Variants in GPR161 observed in about 807,000 individuals in gnomAD.
The protein encoded by GPR161 is G protein-coupled receptor 161.
In GPR161, 25 loss-of-function variants were observed where a neutral mutation model predicts 39.2. The observed-to-expected ratio is 0.64, with a 90% CI of 0.47 to 0.89. The LOEUF is 0.89. Ranked by LOEUF, GPR161 falls within the 40% of genes least tolerant of loss-of-function variation. The probability of loss-of-function intolerance (pLI) is 0.00; values close to 1 mark genes in which losing one functional copy is unlikely to be tolerated. For missense variants in GPR161, 547 were observed against 677.8 expected (o/e 0.81, Z 2.14); for synonymous variants, 286 against 276.6 (o/e 1.03, Z -0.34).
chr1:168,110,581 A>C (rs1346545657), intron 1 of GPR161, among the ~76,000 whole-genome samples: 4 of 114,828 alleles, frequency 3.5e-5, no homozygotes, highest in African/African-American at 8.2e-5. Flanking sequence ...AGAAAAGAAA[A>C]GAAAAGAAAA....
At position 168,082,504 on chromosome 1, in the gene GPR161, G is replaced by A. The variant is rs1694150925; in HGVS notation, c.*3027C>T. ...GGGAAATGGCTGTGTTGAGCTGTGT[G>A]TGTGCTCTGTAATGTGGGACTCCCA... On this transcript the variant is annotated 3_prime_UTR_variant, in exon 6 of 6. Transcript: ENST00000682931. The A allele has an allele frequency of 6.6e-6, 1 of 152,322 alleles. No individual in the cohort carries two copies. Among genetic ancestry groups the A allele is most frequent in the Non-Finnish European group, 1.5e-5 (1 of 68,132 alleles). The allele number at this position is 152,322 out of a possible 1,614,324, so 9.4% of individuals were successfully genotyped here.
chr1:168,123,469 T>C (rs775600978), intron 1 of GPR161, among the ~76,000 whole-genome samples: 44 of 151,852 alleles, frequency 2.9e-4, no homozygotes, highest in Admixed American at 8.5e-4. Context: ...AAAAATTATA[T>C]GTATGTATCT....
In GPR161 at chr1:168,085,174, G is replaced by A. The variant is rs557644479; in HGVS notation, c.*357C>T. On this transcript the variant is annotated 3_prime_UTR_variant, in exon 6 of 6. Coordinates refer to ENST00000682931, the MANE Select transcript of GPR161 (RefSeq NM_001375883.1). ...CACACTGTGAAGAGGAGGAAATGATGCATGTGGGGGTCTCCTTCCAAGCCC... is the reference window on the plus strand; with the variant it reads ...CACACTGTGAAGAGGAGGAAATGATACATGTGGGGGTCTCCTTCCAAGCCC... 1.5e-4 allele frequency: 68 copies of A among 439,512 alleles called. No homozygotes were observed. Among genetic ancestry groups the A allele is most frequent in the Middle Eastern group, 1.3e-3 (4 of 2,998 alleles). 27.2% of individuals were successfully genotyped at this position (439,512 alleles called of 1,614,324 possible). A position where few individuals can be genotyped will look rare whatever the true frequency, so the allele number is the denominator to read the frequency against.
chr1:168,136,936 T>G, upstream of GPR161: 1 of 970,862 alleles, frequency 1.0e-6, no homozygotes, highest in Non-Finnish European at 1.2e-6. Context: ...CAAGTAACTT[T>G]GCGGCGCCCG....
chr1:168,103,773 A>G (rs1381015871), intron 2 of GPR161, among the ~76,000 whole-genome samples: 1 of 152,220 alleles, frequency 6.6e-6, no homozygotes, highest in Non-Finnish European at 1.5e-5. Flanking sequence ...TGATGAACGC[A>G]GTGGCCATTA....
At chr1:168,094,163 T>C (rs1257158767) in intron 3 of GPR161, among the ~76,000 whole-genome samples, 11 of 152,368 alleles carry the variant, frequency 7.2e-5, no homozygotes, top group South Asian at 2.1e-4. Flanking sequence ...ATGGAAAATC[T>C]TGGCCTCAAA....
rs1694008743 is a variant in GPR161, at chr1:168,080,774, G to A, written c.*4757C>T. The A allele has an allele frequency of 6.6e-6, 1 of 152,290 alleles. No homozygotes were observed. The highest frequency in any genetic ancestry group is 2.4e-5 in the African/African-American group (1 of 41,540). 9.4% of individuals were successfully genotyped at this position (152,290 alleles called of 1,614,324 possible). A position where few individuals can be genotyped will look rare whatever the true frequency, so the allele number is the denominator to read the frequency against. ...ATTTGGAACGTTACACCAGGCCCTG[G>A]GGATTTGATCATCTTTGATAGTCAT... On this transcript the variant is annotated 3_prime_UTR_variant, in exon 6 of 6. Transcript: ENST00000682931.
At chr1:168,134,452 C>T (rs563502456) in intron 1 of GPR161, among the ~76,000 whole-genome samples, 1 of 152,168 alleles carries the variant, frequency 6.6e-6, no homozygotes, top group Non-Finnish European at 1.5e-5. Context: ...ATCCCTCCTC[C>T]AAACTCCAGG....
rs943979592 is a variant in GPR161, at chr1:168,081,011, C to CCCA, written c.*4517_*4519dup. 6.6e-6 allele frequency: 1 copy of CCCA among 151,554 alleles called. No individual in the cohort carries two copies. Among genetic ancestry groups the CCCA allele is most frequent in the Non-Finnish European group, 1.5e-5 (1 of 68,088 alleles). The allele number at this position is 151,554 out of a possible 1,614,324, so 9.4% of individuals were successfully genotyped here. ...TCCTGAGTAGCTGGGATTACAGGCG[C>CCCA]CCACCACCACGCGCAACTAATTTTG... On this transcript the variant is annotated 3_prime_UTR_variant, in exon 6 of 6. Transcript: ENST00000682931.
chr1:168,096,486 A>G lies in GPR161; in HGVS notation c.1099+22T>C, dbSNP rs749516923. 8.1e-6 allele frequency: 13 copies of G among 1,604,568 alleles called. No individual in the cohort carries two copies. The Admixed American group carries it at 2.0e-4, about 25-fold the overall frequency. The stretch of plus-strand genomic sequence containing the variant: ...AGATTTCATCTGCCTCGGAGGGGCT[A>G]TCCTAACAATGCCCAAGTTACCTGT... On this transcript the variant is annotated intron_variant, in intron 3 of 5. Transcript: ENST00000682931.
At chr1:168,128,381 A>T (rs547064256) in intron 1 of GPR161, among the ~76,000 whole-genome samples, 1 of 152,122 alleles carries the variant, frequency 6.6e-6, no homozygotes, top group Non-Finnish European at 1.5e-5. Context: ...GGGGGATGCT[A>T]TTGGCACCTA....
At chr1:168,137,378 T>G (rs1381218010), upstream of GPR161, 17 of 1,535,848 alleles carry the variant, frequency 1.1e-5, no homozygotes, top group Non-Finnish European at 1.4e-5. Context: ...TGGTATCGCC[T>G]TTGCTGCTCA....
chr1:168,109,525 C>G lies in GPR161; in HGVS notation c.-44-4631G>C, dbSNP rs147254381. Among the ~76,000 whole-genome samples, 43 of 152,266 alleles carry G rather than the reference C, an allele frequency of 2.8e-4. No homozygotes were observed. The East Asian group carries it at 8.1e-3, about 29-fold the overall frequency. On this transcript the variant is annotated intron_variant, in intron 1 of 5. Transcript: ENST00000682931. ...AGAGTAGGTTCTAGAAGGGATTTCT[C>G]CTTCATGGAAAAGGGATTAGAAAGC...
intron 1 of GPR161, among the ~76,000 whole-genome samples, chr1:168,126,634 TG>T (rs1698614355): frequency 6.6e-6 from 1 of 152,056 alleles, no homozygotes; most frequent in African/African-American, 2.4e-5. Context: ...GTACTGTTTT[TG>T]TAAAGAGGGG....
intron 1 of GPR161, among the ~76,000 whole-genome samples, chr1:168,131,552 G>A (rs1044097770): frequency 1.3e-5 from 2 of 152,096 alleles, no homozygotes; most frequent in Admixed American, 1.3e-4. Flanking sequence ...AAGTGACAAG[G>A]AGGGAAAATA....
In GPR161 at chr1:168,085,630, G is replaced by GC. The variant is rs752347222; in HGVS notation, c.1490dup (p.Gly498ArgfsTer44). 12 of 1,613,792 alleles carry GC rather than the reference G, an allele frequency of 7.4e-6. No homozygotes were observed. The highest frequency in any genetic ancestry group is 5.3e-5 in the African/African-American group (4 of 74,916). ...TGCTGCCTCGGCGGCCCCCGAAGCC[G>GC]CCCCCCGGGACAGTCCGTGCTGTAA... On this transcript the variant is annotated frameshift_variant, in exon 6 of 6. Transcript: ENST00000682931. LOFTEE classifies it low-confidence loss of function (END_TRUNC).
intron 4 of GPR161, chr1:168,088,982 A>C (rs1694808714): frequency 6.6e-6 from 1 of 152,182 alleles, no homozygotes; most frequent in South Asian, 2.1e-4. Flanking sequence ...ATCATCTTTC[A>C]AAACCAGTTT....
At chr1:168,086,454 C>G (rs1418557147) in intron 5 of GPR161, among the ~76,000 whole-genome samples, 1 of 152,208 alleles carries the variant, frequency 6.6e-6, no homozygotes, top group Non-Finnish European at 1.5e-5. Flanking sequence ...TTTATCCTCT[C>G]CTCCTTACAT....
At chr1:168,106,397 G>C (rs533265719) in intron 1 of GPR161, among the ~76,000 whole-genome samples, 1 of 152,180 alleles carries the variant, frequency 6.6e-6, no homozygotes, top group Middle Eastern at 3.2e-3. Context: ...GAGCAAGCCC[G>C]GGCAACGTGG....
Sources: allele counts gnomAD v4.1 joint callset (sites outside exome capture counted in the v4.1 genomes callset), GRCh38; gene constraint gnomAD v4.1.1; transcripts MANE v1.5; gene names NCBI Gene and HGNC (gene_info 2026-07-23, HGNC 2026-07-21).